Variants in PCBD2 observed in about 807,000 individuals in gnomAD.
The protein encoded by PCBD2 is pterin-4-alpha-carbinolamine dehydratase 2.
In PCBD2, 12 loss-of-function variants were observed where a neutral mutation model predicts 16.4. The observed-to-expected ratio is 0.73, with a 90% CI of 0.47 to 1.19. PCBD2 has a LOEUF of 1.19. Ranked by LOEUF, PCBD2 falls within the 50% of genes most tolerant of loss-of-function variation. PCBD2 has a pLI of 0.00. For synonymous variants in PCBD2, 58 were observed against 61.8 expected, an observed-to-expected ratio of 0.94 and a Z score of 0.29; for missense variants, 138 against 156.8, an observed-to-expected ratio of 0.88 and a Z score of 0.64.
intron 2 of PCBD2, chr5:134,925,025 G>A (rs188282196): frequency 2.5e-6 from 1 of 394,206 alleles, no homozygotes; most frequent in African/African-American, 2.1e-5. Context: ...ATTGTCATTT[G>A]GGGGGTGGAT....
intron 2 of PCBD2, among the ~76,000 whole-genome samples, chr5:134,932,051 T>C (rs1751104854): frequency 6.6e-6 from 1 of 152,220 alleles, no homozygotes; most frequent in Non-Finnish European, 1.5e-5. Context: ...CTGAAAACTT[T>C]ATTTGGAGAA....
In PCBD2 at chr5:134,938,975, A is replaced by G. The variant is rs546690790; in HGVS notation, c.217-20065A>G. Among the ~76,000 whole-genome samples, 6 of 152,314 alleles carry G rather than the reference A, an allele frequency of 3.9e-5. No homozygotes were observed. The East Asian group carries it at 1.2e-3, about 29-fold the overall frequency. On this transcript the variant is annotated intron_variant, in intron 2 of 3. Transcript: ENST00000254908. ...CCAAAGACTTTACTTAAATGGGATA[A>G]TGTAAGTACTGGTTATATTAATATA...
chr5:134,943,258 C>G (rs867897489), intron 2 of PCBD2, among the ~76,000 whole-genome samples: 3 of 152,104 alleles, frequency 2.0e-5, no homozygotes, highest in Non-Finnish European at 4.4e-5. Flanking sequence ...CCATGGTGAC[C>G]GAAGCACTTG....
intron 2 of PCBD2, chr5:134,928,462 G>C (rs968817778): frequency 6.1e-6 from 2 of 329,500 alleles, no homozygotes; most frequent in East Asian, 4.1e-5. Context: ...TGATTAATAA[G>C]AGGGACGATG....
chr5:134,960,047 CTT>C (rs1751458247), intron 3 of PCBD2, among the ~76,000 whole-genome samples: 1 of 151,678 alleles, frequency 6.6e-6, no homozygotes, highest in South Asian at 2.1e-4. Flanking sequence ...TGCAGGGTAA[CTT>C]TTATATTTTT....
At chr5:134,915,944 A>G (rs1215104134) in intron 2 of PCBD2, among the ~76,000 whole-genome samples, 2 of 152,022 alleles carry the variant, frequency 1.3e-5, no homozygotes, top group African/African-American at 4.8e-5. Flanking sequence ...AGAACTAAAG[A>G]CACCCTCTCC....
At chr5:134,957,782 T>C (rs1751431103) in intron 2 of PCBD2, among the ~76,000 whole-genome samples, 1 of 152,222 alleles carries the variant, frequency 6.6e-6, no homozygotes. Context: ...AAAGTGAATA[T>C]TGTTTTTCCA....
intron 1 of PCBD2, among the ~76,000 whole-genome samples, chr5:134,909,795 G>A (rs1427277752): frequency 1.3e-5 from 2 of 152,188 alleles, no homozygotes; most frequent in African/African-American, 2.4e-5. Flanking sequence ...AGGGCCGGGC[G>A]CAGTCACTCA....
At chr5:134,941,738 A>G in intron 2 of PCBD2, among the ~76,000 whole-genome samples, 1 of 152,224 alleles carries the variant, frequency 6.6e-6, no homozygotes, top group East Asian at 1.9e-4. Flanking sequence ...GTTTTGGAAA[A>G]AAGGGCACAG....
At chr5:134,934,461 A>C (rs1341459168) in intron 2 of PCBD2, among the ~76,000 whole-genome samples, 1 of 152,170 alleles carries the variant, frequency 6.6e-6, no homozygotes, top group African/African-American at 2.4e-5. Context: ...CTTGGGAACC[A>C]TGAAATAATT....
At chr5:134,946,087 TTAAA>T (rs969863580) in intron 2 of PCBD2, among the ~76,000 whole-genome samples, 18 of 151,232 alleles carry the variant, frequency 1.2e-4, no homozygotes, top group African/African-American at 4.1e-4. Flanking sequence ...ATAAATATAC[TTAAA>T]TAAGATTGTT....
intron 2 of PCBD2, among the ~76,000 whole-genome samples, chr5:134,918,802 T>A (rs1342335119): frequency 4.6e-5 from 7 of 152,230 alleles, no homozygotes; most frequent in African/African-American, 1.7e-4. Flanking sequence ...TTGGAGTTCT[T>A]CCTGAGCAGG....
At chr5:134,941,973 A>G (rs1000663610) in intron 2 of PCBD2, among the ~76,000 whole-genome samples, 1 of 151,214 alleles carries the variant, frequency 6.6e-6, no homozygotes, top group African/African-American at 2.4e-5. Flanking sequence ...ACCAAAAAAA[A>G]AAAAAAGTTA....
At chr5:134,925,608 G>A in intron 2 of PCBD2, 1 of 397,910 alleles carries the variant, frequency 2.5e-6, no homozygotes. Flanking sequence ...CGAACAGAGT[G>A]GTGATAGCGC....
Position 134,910,330 on chromosome 5 carries a change from C to T in PCBD2, c.85-5C>T. 1 of 1,613,010 alleles carries T rather than the reference C, an allele frequency of 6.2e-7. No homozygotes were observed. Among genetic ancestry groups the T allele is most frequent in the Non-Finnish European group, 8.5e-7 (1 of 1,179,572 alleles). Reference sequence around the variant, plus strand: ...TTTCAGATATGAAATGTGTTCTCTTCATAGTCATCAGGTACTCACAGGTTG... The same window carrying T: ...TTTCAGATATGAAATGTGTTCTCTTTATAGTCATCAGGTACTCACAGGTTG... On this transcript the variant is annotated splice_polypyrimidine_tract_variant and splice_region_variant and intron_variant, in intron 1 of 3. Coordinates refer to ENST00000254908, the MANE Select transcript of PCBD2 (RefSeq NM_032151.5).
chr5:134,926,858 G>A lies in PCBD2; in HGVS notation c.216+16392G>A, dbSNP rs1413771235. 3.8e-5 allele frequency: 15 copies of A among 398,440 alleles called. No individual in the cohort carries two copies. The Admixed American group carries it at 6.6e-4, about 18-fold the overall frequency. 24.7% of individuals were successfully genotyped at this position (398,440 alleles called of 1,614,324 possible). ...TTAGTATGTTGAGTCCTGTAAGTAG[G>A]AGAGTGATATTTGATCAGGAGAATG... On this transcript the variant is annotated intron_variant, in intron 2 of 3. Transcript: ENST00000254908.
intron 2 of PCBD2, chr5:134,924,377 G>A (rs113338085): frequency 7.6e-6 from 3 of 396,756 alleles, no homozygotes; most frequent in African/African-American, 4.1e-5. Context: ...GGGGGTCAGG[G>A]GTTGAGGTCT....
At position 134,962,308 on chromosome 5, in the gene PCBD2, G is replaced by A. The variant is rs1420467149; in HGVS notation, c.*1627G>A. On this transcript the variant is annotated 3_prime_UTR_variant, in exon 4 of 4. Coordinates refer to ENST00000254908, the MANE Select transcript of PCBD2 (RefSeq NM_032151.5). ...AGGGTCTTACTATGTTGCCATGGCT[G>A]GTCTAGAACTTCTGGGCTCGAGTAA... 6.6e-6 allele frequency among the ~76,000 whole-genome samples: 1 copy of A among 151,958 alleles called. No individual in the cohort carries two copies. Among genetic ancestry groups the A allele is most frequent in the Non-Finnish European group, 1.5e-5 (1 of 68,002 alleles).
chr5:134,908,689 C>T (rs1750729214), intron 1 of PCBD2: 2 of 150,650 alleles, frequency 1.3e-5, no homozygotes, highest in African/African-American at 4.9e-5. Context: ...AAAAGGTACT[C>T]TCATTCTTTC....
Sources: allele counts gnomAD v4.1 joint callset (sites outside exome capture counted in the v4.1 genomes callset), GRCh38; gene constraint gnomAD v4.1.1; transcripts MANE v1.5; gene names NCBI Gene and HGNC (gene_info 2026-07-23, HGNC 2026-07-21).